The following FSTL4 variants were observed in gnomAD, a reference collection of about 807,000 sequenced individuals.
FSTL4 encodes the protein follistatin like 4, also known as follistatin-related protein 4.
Under a neutral mutation model 78.2 loss-of-function variants are expected in FSTL4, and 28 were observed. The ratio of observed to expected loss-of-function variants is 0.36; its 90% confidence interval spans 0.27 to 0.49. The LOEUF is 0.49. Ranked by LOEUF, FSTL4 falls within the 20% of genes least tolerant of loss-of-function variation. The pLI is 0.98. For missense variants in FSTL4, 922 were observed against 1,084.9 expected, an observed-to-expected ratio of 0.85 and a Z score of 2.11; for synonymous variants, 422 against 440.5, an observed-to-expected ratio of 0.96 and a Z score of 0.53.
chr5:133,255,192 G>T (rs1561645603), intron 6 of FSTL4, among the ~76,000 whole-genome samples: 2 of 152,216 alleles, frequency 1.3e-5, no homozygotes, highest in African/African-American at 4.8e-5. Flanking sequence ...CAGACGCTGT[G>T]TCTGGGGTGA....
rs185597701 is a variant in FSTL4 at position 133,518,875 on chromosome 5, G to A, written c.160+48311C>T. On this transcript the variant is annotated intron_variant, in intron 3 of 15. Transcript: ENST00000265342. ...GTAATTGGGGGAAAAATTTAAAATC[G>A]TTCTTAAAACCAAATTACAAAGGAT... is the stretch of plus-strand genomic sequence containing the variant. Among the ~76,000 whole-genome samples the A allele has an allele frequency of 2.5e-3, 381 of 152,176 alleles. 3 individuals carry two copies. The highest frequency in any genetic ancestry group is 4.7e-3 in the Non-Finnish European group (317 of 68,002).
At chr5:133,771,601 T>C in the FSTL4 span, among the ~76,000 whole-genome samples, 1 of 152,216 alleles carries the variant, frequency 6.6e-6, no homozygotes, top group South Asian at 2.1e-4. Context: ...GAAACTTTAC[T>C]GAATTTATTT....
intron 6 of FSTL4, among the ~76,000 whole-genome samples, chr5:133,281,973 A>C (rs1268450965): frequency 6.6e-6 from 1 of 152,156 alleles, no homozygotes; most frequent in Admixed American, 6.5e-5. Flanking sequence ...GGTGGGTGGA[A>C]CTGGTCAGGA....
the FSTL4 span, among the ~76,000 whole-genome samples, chr5:133,664,459 C>T: frequency 6.6e-6 from 1 of 152,278 alleles, no homozygotes; most frequent in African/African-American, 2.4e-5. Context: ...TCATCTTCCC[C>T]AAGGGAGGCT....
At chr5:133,492,188 A>G (rs1247137274) in intron 3 of FSTL4, among the ~76,000 whole-genome samples, 2 of 152,104 alleles carry the variant, frequency 1.3e-5, no homozygotes, top group Non-Finnish European at 2.9e-5. Flanking sequence ...GAAGCATAAA[A>G]TTCTTTAGTA....
At chr5:133,654,355 G>T in the FSTL4 span, among the ~76,000 whole-genome samples, 1 of 152,228 alleles carries the variant, frequency 6.6e-6, no homozygotes, top group Non-Finnish European at 1.5e-5. Context: ...GCTCAGAGAA[G>T]TTACACAACC....
At chr5:133,802,945 T>C in the FSTL4 span, among the ~76,000 whole-genome samples, 5 of 152,206 alleles carry the variant, frequency 3.3e-5, no homozygotes, top group African/African-American at 1.2e-4. Flanking sequence ...GAGAGGAGGC[T>C]TGCTTTCCAC....
At chr5:133,669,791 C>T in the FSTL4 span, among the ~76,000 whole-genome samples, 2 of 152,208 alleles carry the variant, frequency 1.3e-5, no homozygotes, top group Non-Finnish European at 2.9e-5. Flanking sequence ...GAGTTTATTC[C>T]CAGGACCACA....
chr5:133,547,840 C>T (rs970342760), intron 3 of FSTL4, among the ~76,000 whole-genome samples: 9 of 152,174 alleles, frequency 5.9e-5, no homozygotes, highest in Non-Finnish European at 1.0e-4. Flanking sequence ...TAACCAGTCT[C>T]AGGTATTCCC....
chr5:133,273,246 C>G (rs1044965978), intron 6 of FSTL4, among the ~76,000 whole-genome samples: 1 of 152,244 alleles, frequency 6.6e-6, no homozygotes, highest in Non-Finnish European at 1.5e-5. Flanking sequence ...ATCTAAACTA[C>G]TCTTTTAACA....
chr5:133,239,679 C>T (rs1474982202), intron 7 of FSTL4, among the ~76,000 whole-genome samples: 1 of 152,108 alleles, frequency 6.6e-6, no homozygotes, highest in East Asian at 1.9e-4. Context: ...TTTGTAAACC[C>T]ACCAATCAGC....
intron 3 of FSTL4, among the ~76,000 whole-genome samples, chr5:133,516,979 G>C (rs879024936): frequency 6.6e-6 from 1 of 151,828 alleles, no homozygotes; most frequent in Admixed American, 6.6e-5. Context: ...TTGGGAGACT[G>C]AGGCAAGAGG....
At chr5:133,345,295 T>G (rs1183405453) in intron 4 of FSTL4, among the ~76,000 whole-genome samples, 1 of 152,206 alleles carries the variant, frequency 6.6e-6, no homozygotes, top group African/African-American at 2.4e-5. Context: ...TAAATTTGTT[T>G]AAGTTCCTTG....
At chr5:133,777,583 G>T in the FSTL4 span, among the ~76,000 whole-genome samples, 1 of 152,192 alleles carries the variant, frequency 6.6e-6, no homozygotes, top group Admixed American at 6.5e-5. Context: ...TTTTCAGTTT[G>T]ATTTGTCTGG....
chr5:133,458,837 C>T (rs1378991075), intron 3 of FSTL4, among the ~76,000 whole-genome samples: 1 of 152,334 alleles, frequency 6.6e-6, no homozygotes, highest in African/African-American at 2.4e-5. Flanking sequence ...TTGTTTCAAG[C>T]GTTGGCTTGG....
intron 4 of FSTL4, 104 bp from the exon 5 acceptor site, chr5:133,316,756 G>A (rs752132361): frequency 3.5e-5 from 32 of 907,160 alleles, no homozygotes; most frequent in African/African-American, 9.9e-5. Context: ...GCCACCAGGC[G>A]TTCACTATGT....
intron 4 of FSTL4, among the ~76,000 whole-genome samples, chr5:133,375,217 C>G (rs1012372540): frequency 7.1e-6 from 1 of 141,442 alleles, no homozygotes; most frequent in African/African-American, 2.6e-5. Flanking sequence ...AATGGTTTGA[C>G]TTACTGTTGT....
chr5:133,399,461 T>TC (rs1756161048), intron 4 of FSTL4, among the ~76,000 whole-genome samples: 1 of 152,208 alleles, frequency 6.6e-6, no homozygotes, highest in South Asian at 2.1e-4. Flanking sequence ...TGCCTAGCAC[T>TC]CTATGCTGCC....
chr5:133,662,305 A>C, the FSTL4 span, among the ~76,000 whole-genome samples: 3 of 152,140 alleles, frequency 2.0e-5, no homozygotes, highest in East Asian at 5.8e-4. Context: ...TACATATTTT[A>C]CTTTTCCATT....
Sources: gnomAD v4.1 joint callset for allele counts (sites outside exome capture counted in the v4.1 genomes callset) on GRCh38, gnomAD v4.1.1 for gene constraint, MANE v1.5 for transcripts, NCBI Gene and HGNC (gene_info 2026-07-23, HGNC 2026-07-21) for gene names.